The following DCLK1 variants were observed in gnomAD, a reference collection of about 807,000 sequenced individuals.
DCLK1 encodes the protein serine/threonine-protein kinase DCLK1.
A neutral mutation model predicts 86.2 loss-of-function variants in DCLK1; 16 were observed. That is an observed-to-expected ratio of 0.19 (90% CI 0.13 to 0.28). The LOEUF is 0.28. Ranked by LOEUF, DCLK1 falls within the 10% of genes least tolerant of loss-of-function variation. The pLI, the probability that DCLK1 is intolerant of heterozygous loss-of-function variation, is 1.00. For missense variants in DCLK1, 590 were observed against 940.2 expected, an observed-to-expected ratio of 0.63 and a Z score of 4.87; for synonymous variants, 369 against 370.5, an observed-to-expected ratio of 1.00 and a Z score of 0.05.
At chr13:35,828,073 T>C (rs1868629572) in intron 9 of DCLK1, among the ~76,000 whole-genome samples, 177 bp downstream of exon 9, 1 of 152,200 alleles carries the variant, frequency 6.6e-6, no homozygotes, top group Non-Finnish European at 1.5e-5. Flanking sequence ...TATCTAATCA[T>C]TCCAAATAAC....
At chr13:35,881,237 T>C (rs529259113) in intron 4 of DCLK1, among the ~76,000 whole-genome samples, 4 of 152,306 alleles carry the variant, frequency 2.6e-5, no homozygotes, top group East Asian at 1.9e-4. Flanking sequence ...CTTGTAACAA[T>C]TGACCTTAAA....
At chr13:36,080,449 A>T (rs1884381650) in intron 3 of DCLK1, among the ~76,000 whole-genome samples, 1 of 152,192 alleles carries the variant, frequency 6.6e-6, no homozygotes, top group African/African-American at 2.4e-5. Flanking sequence ...GGTCAAGGAT[A>T]TTACACATAT....
At chr13:35,987,726 G>A (rs1362559008) in intron 3 of DCLK1, among the ~76,000 whole-genome samples, 1 of 152,160 alleles carries the variant, frequency 6.6e-6, no homozygotes, top group Non-Finnish European at 1.5e-5. Flanking sequence ...CCTGAGTAAC[G>A]CGGCCACAGT....
At chr13:36,031,448 A>G (rs923156713) in intron 3 of DCLK1, among the ~76,000 whole-genome samples, 1 of 152,168 alleles carries the variant, frequency 6.6e-6, no homozygotes, top group Non-Finnish European at 1.5e-5. Flanking sequence ...ATATATGTAC[A>G]CAAATTATAT....
intron 4 of DCLK1, among the ~76,000 whole-genome samples, chr13:35,945,481 C>CT (rs1025407019): frequency 1.3e-5 from 2 of 152,168 alleles, no homozygotes; most frequent in Non-Finnish European, 2.9e-5. Flanking sequence ...AGTTTGGAAG[C>CT]TGTGGCCAAC....
chr13:35,850,418 T>C, intron 6 of DCLK1: 3 of 1,057,726 alleles, frequency 2.8e-6, no homozygotes, highest in Non-Finnish European at 3.4e-6. Flanking sequence ...TGTGTTCTTG[T>C]ACTCAATATT....
chr13:36,041,654 G>C (rs116649846), intron 3 of DCLK1, among the ~76,000 whole-genome samples: 257 of 152,234 alleles, frequency 1.7e-3, no homozygotes, highest in African/African-American at 6.0e-3. Context: ...ATTTAAAATA[G>C]AATTATATTT....
intron 5 of DCLK1, chr13:35,855,488 A>G (rs1179952971): frequency 6.3e-7 from 1 of 1,596,570 alleles, no homozygotes. Flanking sequence ...CACAAGGGAG[A>G]GCAGCAATGC....
intron 4 of DCLK1, among the ~76,000 whole-genome samples, chr13:35,932,568 C>G (rs1320498151): frequency 6.6e-6 from 1 of 152,132 alleles, no homozygotes; most frequent in African/African-American, 2.4e-5. Flanking sequence ...CAAGGAGGAG[C>G]AAGTAACGTC....
upstream of DCLK1, among the ~76,000 whole-genome samples, chr13:36,131,729 C>G (rs1211874263): frequency 6.6e-6 from 1 of 152,116 alleles, no homozygotes; most frequent in South Asian, 2.1e-4. Context: ...GAGATGAGGC[C>G]CCCACCGTCG....
At chr13:35,892,343 T>C (rs986553491) in intron 4 of DCLK1, among the ~76,000 whole-genome samples, 3 of 152,334 alleles carry the variant, frequency 2.0e-5, no homozygotes, top group African/African-American at 7.2e-5. Context: ...AATCACTACA[T>C]TATTAACCCC....
intron 3 of DCLK1, among the ~76,000 whole-genome samples, chr13:36,014,655 G>C (rs2153149023): frequency 6.6e-6 from 1 of 152,278 alleles, no homozygotes; most frequent in East Asian, 1.9e-4. Context: ...GGTAAGTCAG[G>C]TAAACTGATC....
intron 4 of DCLK1, among the ~76,000 whole-genome samples, chr13:35,883,592 C>T (rs1433912267): frequency 1.3e-5 from 2 of 152,112 alleles, no homozygotes; most frequent in Non-Finnish European, 2.9e-5. Flanking sequence ...TCCTTTATAG[C>T]AACACAAATG....
chr13:35,863,485 G>C (rs1425653209), intron 5 of DCLK1, among the ~76,000 whole-genome samples: 2 of 152,192 alleles, frequency 1.3e-5, no homozygotes, highest in African/African-American at 4.8e-5. Flanking sequence ...GAGTATCTTT[G>C]GAGGTTCTGC....
chr13:35,850,759 G>T, intron 6 of DCLK1: 5 of 1,603,014 alleles, frequency 3.1e-6, no homozygotes, highest in Non-Finnish European at 4.3e-6. Context: ...CATCCGAAGA[G>T]AGGGGGCGGT....
At chr13:35,929,492 G>T (rs999244435) in intron 4 of DCLK1, among the ~76,000 whole-genome samples, 8 of 152,176 alleles carry the variant, frequency 5.3e-5, no homozygotes, top group African/African-American at 1.9e-4. Flanking sequence ...TCCTTTAGTG[G>T]ACAAAAGGCA....
At chr13:35,963,046 A>G (rs1878541676) in intron 3 of DCLK1, among the ~76,000 whole-genome samples, 1 of 152,196 alleles carries the variant, frequency 6.6e-6, no homozygotes, top group East Asian at 1.9e-4. Context: ...TGCCCCAAGA[A>G]CAAGTGAATC....
At chr13:36,025,866 T>C (rs915812813) in intron 3 of DCLK1, among the ~76,000 whole-genome samples, 8 of 152,092 alleles carry the variant, frequency 5.3e-5, no homozygotes, top group African/African-American at 1.7e-4. Context: ...AAAAGATCAC[T>C]GTTACAGCAA....
intron 4 of DCLK1, among the ~76,000 whole-genome samples, chr13:35,903,094 A>T (rs1730642889): frequency 6.6e-6 from 1 of 152,208 alleles, no homozygotes; most frequent in Admixed American, 6.5e-5. Context: ...CAATTTCTGT[A>T]AAACTTCACA....
Sources: allele counts gnomAD v4.1 joint callset (sites outside exome capture counted in the v4.1 genomes callset), GRCh38; gene constraint gnomAD v4.1.1; transcripts MANE v1.5; gene names NCBI Gene and HGNC (gene_info 2026-07-23, HGNC 2026-07-21).